The following CPA6 variants were observed in gnomAD, a reference collection of about 807,000 sequenced individuals.
CPA6 encodes carboxypeptidase A6, also known as carboxypeptidase B.
A neutral mutation model predicts 63.3 loss-of-function variants in CPA6; 58 were observed. That is an observed-to-expected ratio of 0.92 (90% CI 0.74 to 1.14). CPA6 has a LOEUF of 1.14. Among genes scored for constraint, CPA6 ranks in the 50% most tolerant of loss-of-function variants. The pLI is 0.00. For missense variants in CPA6, 565 were observed against 526.6 expected (o/e 1.07, Z -0.71); for synonymous variants, 185 against 179.0 (o/e 1.03, Z -0.27).
chr8:67,485,148 A>G (rs1002465536), intron 6 of CPA6, among the ~76,000 whole-genome samples: 23 of 152,162 alleles, frequency 1.5e-4, no homozygotes, highest in Non-Finnish European at 2.4e-4. Flanking sequence ...AACTGCCTAA[A>G]TCTATTTGAT....
intron 9 of CPA6, among the ~76,000 whole-genome samples, chr8:67,431,959 T>A (rs1810037450): frequency 6.6e-6 from 1 of 152,166 alleles, no homozygotes; most frequent in Non-Finnish European, 1.5e-5. Flanking sequence ...AGGGAATGAT[T>A]CTCTTTAATA....
intron 7 of CPA6, among the ~76,000 whole-genome samples, chr8:67,484,093 A>C (rs927631341): frequency 4.0e-5 from 6 of 150,858 alleles, no homozygotes; most frequent in African/African-American, 1.5e-4. Context: ...TTTTTGAGAC[A>C]GAGTCTCGCT....
intron 2 of CPA6, among the ~76,000 whole-genome samples, chr8:67,586,881 C>A (rs1045490258): frequency 1.3e-5 from 2 of 152,020 alleles, no homozygotes; most frequent in African/African-American, 2.4e-5. Context: ...CTGTGGGTAA[C>A]CATGTTGATT....
At chr8:67,665,408 T>A (rs1816204728) in intron 1 of CPA6, among the ~76,000 whole-genome samples, 1 of 152,108 alleles carries the variant, frequency 6.6e-6, no homozygotes, top group Non-Finnish European at 1.5e-5. Flanking sequence ...AATGGGAAAA[T>A]GGCACAGTAG....
intron 1 of CPA6, among the ~76,000 whole-genome samples, chr8:67,634,643 T>G (rs1224719057): frequency 6.6e-6 from 1 of 151,592 alleles, no homozygotes; most frequent in Non-Finnish European, 1.5e-5. Flanking sequence ...CAATGAGTTC[T>G]AACCCTTAAA....
chr8:67,434,780 G>A (rs538535809), intron 8 of CPA6, among the ~76,000 whole-genome samples: 53 of 152,320 alleles, frequency 3.5e-4, no homozygotes, highest in Admixed American at 8.5e-4. Flanking sequence ...TCAGCCTGTC[G>A]GGAGCAGACG....
intron 2 of CPA6, among the ~76,000 whole-genome samples, chr8:67,576,480 G>A (rs531196853): frequency 3.3e-5 from 5 of 152,232 alleles, no homozygotes; most frequent in African/African-American, 1.2e-4. Flanking sequence ...AGTGCTATAG[G>A]TGTATGCTCT....
At chr8:67,736,804 T>C (rs2129003754) in intron 1 of CPA6, among the ~76,000 whole-genome samples, 1 of 152,272 alleles carries the variant, frequency 6.6e-6, no homozygotes, top group South Asian at 2.1e-4. Flanking sequence ...AAACAATACA[T>C]ATCCAAAAAA....
chr8:67,739,179 C>T (rs1057236223), intron 1 of CPA6, among the ~76,000 whole-genome samples: 2 of 152,090 alleles, frequency 1.3e-5, no homozygotes, highest in African/African-American at 4.8e-5. Flanking sequence ...AAGTGCTGAC[C>T]CCCATACAGT....
chr8:67,452,794 G>T (rs770955606), intron 8 of CPA6: 1 of 152,222 alleles, frequency 6.6e-6, no homozygotes, highest in South Asian at 2.1e-4. Context: ...TGGTGACGAC[G>T]TTGTTCCCAG....
intron 6 of CPA6, among the ~76,000 whole-genome samples, chr8:67,490,756 AC>A (rs1285479113): frequency 6.6e-6 from 1 of 152,208 alleles, no homozygotes; most frequent in Non-Finnish European, 1.5e-5. Flanking sequence ...AAAATCAAAG[AC>A]AAATTTTGCC....
chr8:67,441,109 A>G (rs576773454), intron 8 of CPA6, among the ~76,000 whole-genome samples: 57 of 152,370 alleles, frequency 3.7e-4, no homozygotes, highest in Non-Finnish European at 6.6e-4. Flanking sequence ...TGTATAGGAT[A>G]CTTTCTCTGA....
intron 2 of CPA6, among the ~76,000 whole-genome samples, chr8:67,561,084 T>C (rs1006040370): frequency 6.6e-6 from 1 of 152,196 alleles, no homozygotes; most frequent in African/African-American, 2.4e-5. Flanking sequence ...GTCCAATTAA[T>C]CATTCTGTTA....
chr8:67,467,115 A>G (rs747205787), intron 8 of CPA6, among the ~76,000 whole-genome samples: 20 of 152,194 alleles, frequency 1.3e-4, no homozygotes, highest in Non-Finnish European at 2.2e-4. Context: ...TCTCACTATA[A>G]ATGACATTAT....
intron 8 of CPA6, among the ~76,000 whole-genome samples, chr8:67,475,886 C>CT (rs1360249256): frequency 8.8e-5 from 3 of 33,978 alleles, no homozygotes; most frequent in Admixed American, 3.3e-4. Context: ...TTTCTCCTTT[C>CT]TTTCTTTCTT....
At chr8:67,679,271 C>T (rs764511884) in intron 1 of CPA6, among the ~76,000 whole-genome samples, 1 of 152,176 alleles carries the variant, frequency 6.6e-6, no homozygotes, top group South Asian at 2.1e-4. Flanking sequence ...TATATATGTT[C>T]TATCTATCAC....
chr8:67,611,031 A>G (rs1814792912), intron 2 of CPA6, among the ~76,000 whole-genome samples: 1 of 151,970 alleles, frequency 6.6e-6, no homozygotes, highest in African/African-American at 2.4e-5. Flanking sequence ...TTTGGTAGGT[A>G]GAAGGATTTT....
At chr8:67,691,449 T>G (rs1409281018) in intron 1 of CPA6, among the ~76,000 whole-genome samples, 1 of 152,126 alleles carries the variant, frequency 6.6e-6, no homozygotes, top group African/African-American at 2.4e-5. Flanking sequence ...TTGAAATCAT[T>G]TTTGCCTTTC....
intron 8 of CPA6, among the ~76,000 whole-genome samples, chr8:67,455,797 C>T (rs1213881245): frequency 6.6e-6 from 1 of 150,766 alleles, no homozygotes; most frequent in Non-Finnish European, 1.5e-5. Flanking sequence ...AATCTGCAGA[C>T]ACCAACTCCT....
Sources: allele counts gnomAD v4.1 joint callset (sites outside exome capture counted in the v4.1 genomes callset), GRCh38; gene constraint gnomAD v4.1.1; transcripts MANE v1.5; gene names NCBI Gene and HGNC (gene_info 2026-07-23, HGNC 2026-07-21).